Variants in DIAPH3 observed in about 807,000 individuals in gnomAD.
DIAPH3 encodes the protein protein diaphanous homolog 3.
In DIAPH3, 117 loss-of-function variants were observed where a neutral mutation model predicts 144.3. The ratio of observed to expected loss-of-function variants is 0.81; its 90% CI spans 0.70 to 0.95. The LOEUF is 0.95. DIAPH3 is among the 40% of genes least tolerant of loss of function. The pLI is 0.00. For missense variants in DIAPH3, 1,421 were observed against 1,412.7 expected, an observed-to-expected ratio of 1.01 and a Z score of -0.09; for synonymous variants, 519 against 488.9, an observed-to-expected ratio of 1.06 and a Z score of -0.81.
At chr13:59,743,150 T>G (rs971082045) in intron 27 of DIAPH3, among the ~76,000 whole-genome samples, 2 of 152,092 alleles carry the variant, frequency 1.3e-5, no homozygotes, top group Non-Finnish European at 2.9e-5. Flanking sequence ...AAGAAAAGAT[T>G]TGTATTTTTT....
intron 4 of DIAPH3, among the ~76,000 whole-genome samples, chr13:60,046,184 A>G (rs1408190078): frequency 2.6e-5 from 4 of 152,226 alleles, no homozygotes; most frequent in African/African-American, 9.6e-5. Context: ...CACATTTTAT[A>G]AAGTCCTTAC....
chr13:59,906,222 A>G (rs1239390621), intron 20 of DIAPH3, among the ~76,000 whole-genome samples: 3 of 152,266 alleles, frequency 2.0e-5, no homozygotes, highest in Non-Finnish European at 4.4e-5. Context: ...AGGAAAAATC[A>G]TAATATGGGC....
At chr13:59,785,324 G>C (rs2038978637) in intron 25 of DIAPH3, among the ~76,000 whole-genome samples, 1 of 152,064 alleles carries the variant, frequency 6.6e-6, no homozygotes, top group Non-Finnish European at 1.5e-5. Flanking sequence ...GAAAAAATTA[G>C]AATATTTTAC....
intron 22 of DIAPH3, among the ~76,000 whole-genome samples, chr13:59,847,674 A>G (rs1028304077): frequency 2.0e-5 from 3 of 152,208 alleles, no homozygotes; most frequent in South Asian, 2.1e-4. Context: ...GTACATGTAC[A>G]TGGGAGGGCA....
intron 2 of DIAPH3, among the ~76,000 whole-genome samples, chr13:60,128,954 T>C (rs2059065152): frequency 6.6e-6 from 1 of 152,184 alleles, no homozygotes. Context: ...TAAAATATAT[T>C]TCTTAATGCA....
chr13:59,955,003 C>A (rs1007747010), intron 17 of DIAPH3, among the ~76,000 whole-genome samples: 2 of 151,534 alleles, frequency 1.3e-5, no homozygotes, highest in Admixed American at 6.6e-5. Context: ...AAGGTAATAA[C>A]AAATGAAATA....
intron 12 of DIAPH3, among the ~76,000 whole-genome samples, chr13:59,987,662 T>G (rs2051505369): frequency 6.6e-6 from 1 of 151,574 alleles, no homozygotes; most frequent in Admixed American, 6.6e-5. Context: ...AGACTGGTTT[T>G]AAAATATCCT....
At chr13:59,878,758 A>G (rs981970849) in intron 21 of DIAPH3, among the ~76,000 whole-genome samples, 1 of 152,148 alleles carries the variant, frequency 6.6e-6, no homozygotes, top group Admixed American at 6.6e-5. Context: ...ATATATTTCC[A>G]ATATAATAAT....
chr13:60,147,990 T>G (rs964810916), intron 1 of DIAPH3, among the ~76,000 whole-genome samples: 1 of 151,836 alleles, frequency 6.6e-6, no homozygotes, highest in Non-Finnish European at 1.5e-5. Context: ...GAAGGTAAGA[T>G]AGATGAGGTC....
chr13:59,965,628 GAGAT>G (rs1338545371), intron 17 of DIAPH3, among the ~76,000 whole-genome samples: 22 of 151,754 alleles, frequency 1.4e-4, no homozygotes, highest in South Asian at 1.0e-3. Context: ...AAATTTCAGA[GAGAT>G]AGATAAACAA....
intron 17 of DIAPH3, among the ~76,000 whole-genome samples, chr13:59,939,708 G>T (rs570039410): frequency 6.6e-6 from 1 of 152,082 alleles, no homozygotes; most frequent in Non-Finnish European, 1.5e-5. Context: ...ACAATGAAAT[G>T]GCTCTTTATC....
chr13:59,990,515 C>T (rs1262868607), intron 12 of DIAPH3, among the ~76,000 whole-genome samples: 2 of 151,858 alleles, frequency 1.3e-5, no homozygotes, highest in South Asian at 2.1e-4. Context: ...ATATAGAGAA[C>T]ATTTACTAAG....
intron 9 of DIAPH3, among the ~76,000 whole-genome samples, chr13:59,998,313 C>T (rs979362091): frequency 1.3e-5 from 2 of 152,018 alleles, no homozygotes; most frequent in African/African-American, 4.8e-5. Flanking sequence ...TCCTCCCATG[C>T]CTTTTTCTAA....
At chr13:59,913,999 A>G (rs913414822) in intron 19 of DIAPH3, among the ~76,000 whole-genome samples, 1 of 152,132 alleles carries the variant, frequency 6.6e-6, no homozygotes, top group Non-Finnish European at 1.5e-5. Context: ...TATTGAGCCT[A>G]ATACAATGCC....
In DIAPH3 at chr13:59,861,462, G is replaced by A. The variant is rs545061579; in HGVS notation, c.2682C>T (p.Tyr894=). ...CATCCACAAAATTCAGTATATCAGGGTACTTCTCTTCACATATTTCTACCA... is the reference window on the plus strand; with the variant it reads ...CATCCACAAAATTCAGTATATCAGGATACTTCTCTTCACATATTTCTACCA... The part of the protein sequence containing the change: ...HFLVEICEEK[Y]PDILNFVDDL... Residue 894 remains tyrosine, a synonymous_variant, in exon 22 of 28, where the codon TAC becomes TAT. Transcript: ENST00000400324. The A allele has an allele frequency of 1.2e-5, 20 of 1,613,558 alleles. No individual in the cohort carries two copies. The highest frequency in any genetic ancestry group is 1.6e-5 in the Non-Finnish European group (19 of 1,179,886).
At chr13:59,992,311 T>G (rs2051876881) in intron 10 of DIAPH3, 125 bp from the exon 11 acceptor site, 2 of 1,021,350 alleles carry the variant, frequency 2.0e-6, no homozygotes, top group East Asian at 5.2e-5. Context: ...TTTAAAGTGT[T>G]AAATAACACT....
At chr13:59,896,099 G>C (rs1437596242) in intron 20 of DIAPH3, among the ~76,000 whole-genome samples, 1 of 152,188 alleles carries the variant, frequency 6.6e-6, no homozygotes, top group Non-Finnish European at 1.5e-5. Flanking sequence ...ATATGGAAAT[G>C]TAAGTTTAGA....
intron 23 of DIAPH3, chr13:59,837,850 G>T (rs953993313): frequency 4.6e-5 from 7 of 151,676 alleles, no homozygotes; most frequent in African/African-American, 1.7e-4. Context: ...CTGGATGGGT[G>T]GCAAGATACA....
chr13:59,857,127 A>C (rs1054457621), intron 22 of DIAPH3, among the ~76,000 whole-genome samples: 4 of 152,136 alleles, frequency 2.6e-5, no homozygotes, highest in Non-Finnish European at 5.9e-5. Flanking sequence ...TATCAAACTC[A>C]CTAACAAATT....
Sources: gnomAD v4.1 joint callset for allele counts (sites outside exome capture counted in the v4.1 genomes callset) on GRCh38, gnomAD v4.1.1 for gene constraint, MANE v1.5 for transcripts, NCBI Gene and HGNC (gene_info 2026-07-23, HGNC 2026-07-21) for gene names.